Variants in LETM1 observed in about 807,000 individuals in gnomAD.
LETM1 encodes leucine zipper and EF-hand containing transmembrane protein 1.
In LETM1, 50 loss-of-function variants were observed where a neutral mutation model predicts 74.5. The observed-to-expected ratio is 0.67, with a 90% confidence interval of 0.53 to 0.85. The LOEUF is 0.85. Ranked by LOEUF, LETM1 falls within the 40% of genes least tolerant of loss-of-function variation. LETM1 has a pLI of 0.00. For synonymous variants in LETM1, 446 were observed against 407.1 expected, an observed-to-expected ratio of 1.10 and a Z score of -1.15; for missense variants, 824 against 967.8, an observed-to-expected ratio of 0.85 and a Z score of 1.97.
At chr4:1,821,752 C>G (rs1276360678) in intron 10 of LETM1, among the ~76,000 whole-genome samples, 1 of 152,178 alleles carries the variant, frequency 6.6e-6, no homozygotes, top group Non-Finnish European at 1.5e-5. Flanking sequence ...CATGGGGAGT[C>G]TGAAGATGCT....
At chr4:1,832,998 C>T in intron 5 of LETM1, 51 bp from the exon 6 acceptor site, 1 of 1,563,918 alleles carries the variant, frequency 6.4e-7, no homozygotes, top group East Asian at 2.2e-5. Flanking sequence ...CCACCCGGCT[C>T]CCTCCCACGA....
At chr4:1,849,080 C>T (rs546720583) in intron 2 of LETM1, 69 bp downstream of exon 2, 91 of 1,040,224 alleles carry the variant, frequency 8.7e-5, no homozygotes, top group Non-Finnish European at 1.1e-4. Flanking sequence ...AAGAGTCACT[C>T]GTGACTCTCC....
At chr4:1,828,266 C>T (rs1217508374) in intron 6 of LETM1, among the ~76,000 whole-genome samples, 12 of 120,618 alleles carry the variant, frequency 9.9e-5, no homozygotes, top group Admixed American at 1.6e-4. Flanking sequence ...GGCGGCTGGC[C>T]GGGCGGGGGG....
chr4:1,829,823 T>C (rs915883618), intron 6 of LETM1, among the ~76,000 whole-genome samples: 1 of 151,040 alleles, frequency 6.6e-6, no homozygotes, highest in African/African-American at 2.4e-5. Context: ...AGACACCATC[T>C]CCCCCAAAAC....
rs368786399 is a variant in LETM1 at position 1,823,058 on chromosome 4, G to A, written c.1406C>T (p.Thr469Met). Residue 469 changes from threonine to methionine, a missense_variant, in exon 9 of 14, where the codon ACG becomes ATG. Around this residue, in one of 4 missense-constraint regions of LETM1, gnomAD observed 172 missense variants for 170.7 expected, o/e 1.01. Coordinates refer to ENST00000302787, the MANE Select transcript of LETM1 (RefSeq NM_012318.3). ...CTGGATGGCCGCCTCCTCCTGCAGC[G>A]TGGCCTCCAGCTTGGCCTTGTTGTC... is the stretch of plus-strand genomic sequence containing the variant. The part of the protein sequence containing the change: ...QVDNKAKLEA[T>M]LQEEAAIQQE... 1.1e-5 allele frequency: 18 copies of A among 1,609,336 alleles called. No individual in the cohort carries two copies. The highest frequency in any genetic ancestry group is 1.6e-4 in the Middle Eastern group (1 of 6,064).
At chr4:1,851,379 G>A (rs920381988) in intron 1 of LETM1, among the ~76,000 whole-genome samples, 11 of 152,158 alleles carry the variant, frequency 7.2e-5, no homozygotes, top group Non-Finnish European at 1.5e-4. Flanking sequence ...GCCACCGTGA[G>A]AGGACGAACA....
rs369584617 is a variant in LETM1 at position 1,843,939 on chromosome 4, C to A, written c.144-2142G>T. ...TGTTCCTTCTGTGAGGTGGGCTCAC[C>A]TCCCTGTGTGGGTGATGACAGTGCC... On this transcript the variant is annotated intron_variant, in intron 2 of 13. Coordinates refer to ENST00000302787, the MANE Select transcript of LETM1 (RefSeq NM_012318.3). Among the ~76,000 whole-genome samples, 6 of 152,348 alleles carry A rather than the reference C, an allele frequency of 3.9e-5. No homozygotes were observed. In the East Asian group the frequency reaches 9.6e-4, roughly 24 times the overall value.
chr4:1,813,412 T>A lies in LETM1; in HGVS notation c.*1012A>T, dbSNP rs1411169276. ...CCACCTGCCCACGCCCTGGCCAGCC[T>A]GGCCATGCTGCCGAGTGCGGGGAGG... is the stretch of plus-strand genomic sequence containing the variant. On this transcript the variant is annotated 3_prime_UTR_variant, in exon 14 of 14. Transcript: ENST00000302787. The A allele has an allele frequency of 6.6e-6, 1 of 152,380 alleles. No individual in the cohort carries two copies. The highest frequency in any genetic ancestry group is 2.4e-5 in the African/African-American group (1 of 41,468). The allele number at this position is 152,380 out of a possible 1,614,324, so 9.4% of individuals were successfully genotyped here.
chr4:1,819,972 C>G (rs1035002716), intron 10 of LETM1, among the ~76,000 whole-genome samples: 4 of 152,230 alleles, frequency 2.6e-5, no homozygotes, highest in African/African-American at 4.8e-5. Context: ...GGGTCTCACT[C>G]TGTTGCCCAG....
At chr4:1,828,811 G>T (rs1712133064) in intron 6 of LETM1, among the ~76,000 whole-genome samples, 1 of 139,662 alleles carries the variant, frequency 7.2e-6, no homozygotes, top group African/African-American at 2.7e-5. Flanking sequence ...GGGCAGGGGG[G>T]CTGACCCCCC....
intron 10 of LETM1, among the ~76,000 whole-genome samples, chr4:1,821,026 GAA>G (rs1016561359): frequency 1.3e-5 from 2 of 150,808 alleles, no homozygotes; most frequent in African/African-American, 4.9e-5. Flanking sequence ...CACCTCAAAA[GAA>G]AAAAAATTCA....
chr4:1,825,371 G>A (rs1229282778), intron 7 of LETM1, among the ~76,000 whole-genome samples, 193 bp downstream of exon 7: 1 of 152,246 alleles, frequency 6.6e-6, no homozygotes, highest in East Asian at 1.9e-4. Flanking sequence ...TGAAAGGTGC[G>A]AATGCAGGGG....
chr4:1,846,244 T>C (rs1322762189), intron 2 of LETM1, among the ~76,000 whole-genome samples: 2 of 152,016 alleles, frequency 1.3e-5, no homozygotes, highest in African/African-American at 4.8e-5. Flanking sequence ...TGTTCAAAAT[T>C]GGGAACTTTA....
intron 1 of LETM1, among the ~76,000 whole-genome samples, chr4:1,850,822 C>T (rs898849546): frequency 4.6e-5 from 7 of 150,938 alleles, no homozygotes; most frequent in African/African-American, 1.2e-4. Context: ...AAAAATTAGC[C>T]GGACATGATG....
chr4:1,829,396 C>A (rs1202130931), intron 6 of LETM1, among the ~76,000 whole-genome samples: 3 of 152,100 alleles, frequency 2.0e-5, no homozygotes, highest in African/African-American at 7.2e-5. Flanking sequence ...GGGCGGGGGG[C>A]TGACCCCCCA....
In LETM1 at chr4:1,828,200, C is replaced by T. The variant is rs1479917741; in HGVS notation, c.1081-2517G>A. Among the ~76,000 whole-genome samples, 478 of 105,304 alleles carry T rather than the reference C, an allele frequency of 4.5e-3. 2 individuals are homozygous for T. Among genetic ancestry groups the T allele is most frequent in the African/African-American group, 0.013 (365 of 27,316 alleles). The allele number at this position is 105,304 out of a possible 152,430, so 69.1% of individuals were successfully genotyped here. On this transcript the variant is annotated intron_variant, in intron 6 of 13. Transcript: ENST00000302787. The stretch of plus-strand genomic sequence containing the variant: ...GCAGAGGCGCCCCTCACCTCCCGGA[C>T]GGGGCGGCTGGCCGGGCGGGGGGGG...
intron 1 of LETM1, among the ~76,000 whole-genome samples, chr4:1,854,839 A>C (rs1713184694): frequency 6.6e-6 from 1 of 152,002 alleles, no homozygotes; most frequent in South Asian, 2.1e-4. Context: ...AATTGGGAGG[A>C]TACATTCAGG....
intron 10 of LETM1, among the ~76,000 whole-genome samples, chr4:1,821,760 G>C (rs1000398791): frequency 6.6e-6 from 1 of 152,188 alleles, no homozygotes; most frequent in African/African-American, 2.4e-5. Context: ...GTCTGAAGAT[G>C]CTCCAAGCCC....
chr4:1,823,826 C>A lies in LETM1; in HGVS notation c.1201-51G>T, dbSNP rs199610863. On this transcript the variant is annotated intron_variant, in intron 7 of 13. Transcript: ENST00000302787. ...ATGGGCAGCCCCCCAACCCTGCTGG[C>A]CCCACAGCAGGTCCGCCCATCTCAT... 1,498 of 1,560,808 alleles carry A rather than the reference C, an allele frequency of 9.6e-4. 2 individuals carry two copies. The highest frequency in any genetic ancestry group is 1.4e-3 in the Middle Eastern group (8 of 5,802).
Sources: gnomAD v4.1 joint callset for allele counts (sites outside exome capture counted in the v4.1 genomes callset) on GRCh38, gnomAD v4.1.1 for gene constraint, gnomAD v4.1.1 regional missense constraint, MANE v1.5 for transcripts, NCBI Gene and HGNC (gene_info 2026-07-23, HGNC 2026-07-21) for gene names.